PDZD9: variants seen among roughly 807,000 people sequenced by gnomAD.
The protein encoded by PDZD9 is PDZ domain-containing protein 9.
In PDZD9, 13 loss-of-function variants were observed where a neutral mutation model predicts 16.3. The ratio of observed to expected loss-of-function variants is 0.80; its 90% CI spans 0.52 to 1.27. The LOEUF (loss-of-function observed/expected upper bound fraction) is 1.27, where lower values mean the gene tolerates loss of function less well. PDZD9 is among the 50% of genes most tolerant of loss of function. The pLI is 0.00. For missense variants in PDZD9, 288 were observed against 310.9 expected (o/e 0.93, Z 0.55); for synonymous variants, 120 against 111.0 (o/e 1.08, Z -0.51).
intron 2 of PDZD9, chr16:21,995,304 A>C (rs757483505): frequency 2.2e-6 from 1 of 453,764 alleles, no homozygotes; most frequent in East Asian, 7.0e-5. Flanking sequence ...TGCTTCCTGT[A>C]CAGCCTGCAG....
At chr16:21,999,420 A>ACC (rs1160407660) in intron 1 of PDZD9, 1 of 159,460 alleles carries the variant, frequency 6.3e-6, no homozygotes, top group Non-Finnish European at 1.4e-5. Context: ...GGAGAGCCAG[A>ACC]CCCCAAGCAC....
At chr16:21,978,137 G>A in the PDZD9 span, among the ~76,000 whole-genome samples, 1 of 152,156 alleles carries the variant, frequency 6.6e-6, no homozygotes, top group Non-Finnish European at 1.5e-5. Context: ...TATGTTTTCT[G>A]CCATTTTGAT....
At chr16:21,995,410 C>T (rs1899124237) in intron 2 of PDZD9, 1 of 338,842 alleles carries the variant, frequency 3.0e-6, no homozygotes, top group Admixed American at 3.6e-5. Flanking sequence ...GACAGCATCT[C>T]ACTGTGTTGC....
At chr16:21,976,455 G>T in the PDZD9 span, 1 of 426,066 alleles carries the variant, frequency 2.3e-6, no homozygotes. Flanking sequence ...ACTTTGGGAG[G>T]CCAAGGCAGG....
chr16:21,991,266 C>T (rs1340959389), intron 2 of PDZD9, among the ~76,000 whole-genome samples: 1 of 151,432 alleles, frequency 6.6e-6, no homozygotes, highest in Non-Finnish European at 1.5e-5. Context: ...GACAGGGTCT[C>T]ACTTTGTCAC....
Position 21,984,720 on chromosome 16 carries a change from C to T in PDZD9, c.402-60G>A, listed in dbSNP as rs1898833199. 8 of 1,330,278 alleles carry T rather than the reference C, an allele frequency of 6.0e-6. No homozygotes were observed. In the Middle Eastern group the frequency reaches 1.1e-3, roughly 189 times the overall value. 82.4% of individuals were successfully genotyped at this position (1,330,278 alleles called of 1,614,324 possible). Reference sequence around the variant, plus strand: ...TTCATGTCTAAACATTTATGGTCCCCTAACAAGATGCCTTATAACTTGCTT... The same window carrying T: ...TTCATGTCTAAACATTTATGGTCCCTTAACAAGATGCCTTATAACTTGCTT... On this transcript the variant is annotated intron_variant, in intron 3 of 3. Coordinates refer to ENST00000424898, the MANE Select transcript of PDZD9 (RefSeq NM_001363519.1).
chr16:21,984,498 T>C lies in PDZD9; in HGVS notation c.564A>G (p.Gly188=). The part of the protein sequence containing the change: ...RPISISRDWH[G]YKKKNHTISV... ...TAATAGTATGGTTCTTCTTCTTATA[T>C]CCATGCCAGTCTCTGGAGATGGATA... Residue 188 remains glycine (G), a synonymous_variant, in exon 4 of 4, where the codon GGA becomes GGG. Transcript: ENST00000424898. The C allele has an allele frequency of 6.2e-7, 1 of 1,609,492 alleles. No homozygotes were observed. The highest frequency in any genetic ancestry group is 1.1e-5 in the South Asian group (1 of 90,970).
chr16:21,967,032 G>A, the PDZD9 span, among the ~76,000 whole-genome samples: 1 of 152,028 alleles, frequency 6.6e-6, no homozygotes. Context: ...TAAAAGGTAT[G>A]TATGTATGCA....
At chr16:21,966,742 T>A in the PDZD9 span, among the ~76,000 whole-genome samples, 1 of 152,176 alleles carries the variant, frequency 6.6e-6, no homozygotes, top group Non-Finnish European at 1.5e-5. Context: ...AGTTTTGAAA[T>A]TTTTCAGAAA....
chr16:21,959,781 C>G, the PDZD9 span: 1 of 152,180 alleles, frequency 6.6e-6, no homozygotes, highest in Non-Finnish European at 1.5e-5. Context: ...CTCCTTGATC[C>G]ATGGGGTGCA....
chr16:21,996,733 ATTAG>A (rs989034682), intron 1 of PDZD9, among the ~76,000 whole-genome samples: 22 of 152,208 alleles, frequency 1.4e-4, no homozygotes, highest in African/African-American at 5.1e-4. Flanking sequence ...CTTAATCAAT[ATTAG>A]TTAGTATTAT....
intron 3 of PDZD9, 137 bp downstream of exon 3, chr16:21,988,465 G>A: frequency 1.4e-6 from 1 of 717,012 alleles, no homozygotes; most frequent in Middle Eastern, 4.0e-4. Context: ...CAGAAACCCA[G>A]GAAATTACTC....
intron 2 of PDZD9, among the ~76,000 whole-genome samples, chr16:21,989,960 C>T (rs1334517919): frequency 2.0e-5 from 3 of 152,162 alleles, no homozygotes; most frequent in Non-Finnish European, 4.4e-5. Context: ...CCACCTGGGT[C>T]ACTGAACCTG....
At chr16:21,972,094 T>A in the PDZD9 span, 1 of 1,613,946 alleles carries the variant, frequency 6.2e-7, no homozygotes, top group Non-Finnish European at 8.5e-7. Flanking sequence ...CACCAGGCTG[T>A]TGCCAAGGCA....
the PDZD9 span, chr16:21,971,682 T>C: frequency 1.3e-6 from 2 of 1,536,402 alleles, no homozygotes; most frequent in East Asian, 2.3e-5. Flanking sequence ...TAGAATAGCA[T>C]ATTGAGGTGG....
the PDZD9 span, chr16:21,968,811 C>A: frequency 5.9e-6 from 4 of 675,956 alleles, no homozygotes; most frequent in South Asian, 3.7e-5. Context: ...GTCAGACAGG[C>A]AATATATCAT....
chr16:21,985,442 TTTG>T (rs760948159), intron 3 of PDZD9, among the ~76,000 whole-genome samples: 43 of 152,128 alleles, frequency 2.8e-4, no homozygotes, highest in South Asian at 1.9e-3. Context: ...CAGCCAGGTT[TTTG>T]TTGTTGTTGT....
intron 1 of PDZD9, chr16:21,998,777 C>CAAAAAAAAAAAAAAAAAAAA (rs541730674): frequency 1.9e-5 from 1 of 51,582 alleles, no homozygotes. Flanking sequence ...GACTCCATCT[C>CAAAAAAAAAAAAAAAAAAAA]AAAAAAAAAA....
the PDZD9 span, chr16:21,962,394 A>C: frequency 6.3e-7 from 1 of 1,579,046 alleles, no homozygotes; most frequent in Admixed American, 1.7e-5. Context: ...TGGTTGATAG[A>C]AGATTATAAG....
Sources: allele counts gnomAD v4.1 joint callset (sites outside exome capture counted in the v4.1 genomes callset), GRCh38; gene constraint gnomAD v4.1.1; transcripts MANE v1.5; gene names NCBI Gene and HGNC (gene_info 2026-07-23, HGNC 2026-07-21).